The following ULK4 variants were observed in gnomAD, a reference collection of about 807,000 sequenced individuals.
The protein encoded by ULK4 is inactive serine/threonine-protein kinase ULK4.
ULK4 carries 133 observed loss-of-function variants against 160.6 expected under a neutral mutation model. The observed-to-expected ratio is 0.83, with a 90% CI of 0.72 to 0.96. The LOEUF (loss-of-function observed/expected upper bound fraction) is 0.96. Among genes scored for constraint, ULK4 ranks in the 40% least tolerant of loss-of-function variants. ULK4 has a pLI of 0.00. For missense variants in ULK4, 1,580 were observed against 1,499.5 expected, an observed-to-expected ratio of 1.05 and a Z score of -0.89; for synonymous variants, 534 against 539.8, an observed-to-expected ratio of 0.99 and a Z score of 0.15.
chr3:41,414,795 AG>A (rs1373316721), intron 34 of ULK4, among the ~76,000 whole-genome samples: 3 of 152,212 alleles, frequency 2.0e-5, no homozygotes, highest in Non-Finnish European at 4.4e-5. Flanking sequence ...CAGATGACAC[AG>A]CTCAAGGAAA....
chr3:41,957,110 G>A (rs892561806), intron 1 of ULK4, among the ~76,000 whole-genome samples: 1 of 152,086 alleles, frequency 6.6e-6, no homozygotes, highest in African/African-American at 2.4e-5. Context: ...AGTTAAAGTG[G>A]AATTAGTCAT....
intron 1 of ULK4, among the ~76,000 whole-genome samples, chr3:41,956,670 A>G (rs1276178602): frequency 6.6e-6 from 1 of 152,216 alleles, no homozygotes; most frequent in Non-Finnish European, 1.5e-5. Context: ...ATATGGAATG[A>G]TATTTCCATG....
At chr3:41,453,751 A>G (rs2083474358) in intron 34 of ULK4, among the ~76,000 whole-genome samples, 1 of 152,074 alleles carries the variant, frequency 6.6e-6, no homozygotes, top group Non-Finnish European at 1.5e-5. Context: ...TGTTCACTTT[A>G]TTTCTTATAT....
At chr3:41,580,977 T>C (rs1575444985) in intron 31 of ULK4, among the ~76,000 whole-genome samples, 1 of 152,154 alleles carries the variant, frequency 6.6e-6, no homozygotes, top group Admixed American at 6.5e-5. Context: ...TATGACTACA[T>C]TCAAACAAAA....
rs1440795660 is a variant in ULK4 at position 41,754,305 on chromosome 3, T to C, written c.2321+56A>G. ...AGGCCAAGAAATACCCTACAACTAC[T>C]AATACAACAGGCACTAAATTGAAGT... On this transcript the variant is annotated intron_variant, in intron 22 of 36. Transcript: ENST00000301831. 5 of 1,565,594 alleles carry C rather than the reference T, an allele frequency of 3.2e-6. No homozygotes were observed. In the African/African-American group the frequency reaches 5.5e-5, roughly 17 times the overall value.
At chr3:41,413,887 A>T (rs1468120221) in intron 34 of ULK4, among the ~76,000 whole-genome samples, 1 of 152,182 alleles carries the variant, frequency 6.6e-6, no homozygotes, top group Non-Finnish European at 1.5e-5. Flanking sequence ...AACTTCAGAT[A>T]AAAAAATCAT....
Position 41,789,757 on chromosome 3 carries a change from CA to C in ULK4, c.2096del (p.Leu699ArgfsTer13). 1 of 1,613,758 alleles carries C rather than the reference CA, an allele frequency of 6.2e-7. No individual in the cohort carries two copies. The highest frequency in any genetic ancestry group is 8.5e-7 in the Non-Finnish European group (1 of 1,179,834). On this transcript the variant is annotated frameshift_variant, in exon 21 of 37. Coordinates refer to ENST00000301831, the MANE Select transcript of ULK4 (RefSeq NM_017886.4). LOFTEE classifies it high-confidence loss of function. ...GCTGAACTTTGCAGATGGCAGAGGC[CA>C]GGGAGTTTATTACTGAGTTCAGTCC... ...KVGLNSVINS[L>X]ASAICKVQQY...
At chr3:41,435,165 A>G (rs533029787) in intron 34 of ULK4, among the ~76,000 whole-genome samples, 1 of 152,358 alleles carries the variant, frequency 6.6e-6, no homozygotes, top group Admixed American at 6.5e-5. Context: ...CAATTTATAC[A>G]TAAGTTTACT....
chr3:41,928,852 C>T (rs79406134), intron 5 of ULK4, among the ~76,000 whole-genome samples: 1 of 151,850 alleles, frequency 6.6e-6, no homozygotes, highest in Non-Finnish European at 1.5e-5. Flanking sequence ...AATTAATAGC[C>T]TACCAATCAA....
At chr3:41,811,068 G>A (rs1391754091) in intron 19 of ULK4, among the ~76,000 whole-genome samples, 1 of 150,900 alleles carries the variant, frequency 6.6e-6, no homozygotes, top group Admixed American at 6.6e-5. Context: ...TTTTTTTTTT[G>A]TAGTGATGGA....
chr3:41,622,759 A>T (rs1312530504), intron 30 of ULK4, among the ~76,000 whole-genome samples: 1 of 152,158 alleles, frequency 6.6e-6, no homozygotes, highest in East Asian at 1.9e-4. Flanking sequence ...CCAAACTTAA[A>T]ATTTAAAAAA....
intron 30 of ULK4, among the ~76,000 whole-genome samples, chr3:41,644,632 A>G (rs2034393696): frequency 1.3e-5 from 2 of 152,116 alleles, no homozygotes. Context: ...AGTGTTCATC[A>G]GGGATATTGG....
intron 31 of ULK4, among the ~76,000 whole-genome samples, chr3:41,590,461 C>CAAAAAAAAAAAA (rs71075479): frequency 1.1e-3 from 63 of 56,588 alleles, no homozygotes; most frequent in African/African-American, 1.6e-3. Flanking sequence ...ACTAAAAATA[C>CAAAAAAAAAAAA]AAAAAAAAAA....
At chr3:41,774,129 A>G (rs568622325) in intron 21 of ULK4, among the ~76,000 whole-genome samples, 2 of 152,252 alleles carry the variant, frequency 1.3e-5, no homozygotes, top group South Asian at 4.1e-4. Context: ...CTAGAAGAAA[A>G]CCTAGGCATT....
intron 32 of ULK4, among the ~76,000 whole-genome samples, chr3:41,498,596 G>A (rs1267118481): frequency 7.3e-6 from 1 of 136,920 alleles, no homozygotes; most frequent in African/African-American, 2.8e-5. Context: ...TTTTTGCTTT[G>A]TTTTTTGTTT....
chr3:41,642,194 C>CTT (rs199753445), intron 30 of ULK4, among the ~76,000 whole-genome samples: 2 of 151,312 alleles, frequency 1.3e-5, no homozygotes, highest in East Asian at 3.9e-4. Context: ...AGTTTTTACT[C>CTT]TTTTTTTTTA....
In ULK4 at chr3:41,300,837, TTATATATATA is replaced by T. The variant is rs66602936; in HGVS notation, c.3679-51273_3679-51264del. ...GATTAAATTTTGATCATTTTACAGA[TTATATATATA>T]TATATATATATATATATATATATAT... On this transcript the variant is annotated intron_variant, in intron 35 of 36. Coordinates refer to ENST00000301831, the MANE Select transcript of ULK4 (RefSeq NM_017886.4). 6.2e-3 allele frequency among the ~76,000 whole-genome samples: 356 copies of T among 57,842 alleles called. 1 individual carries two copies. Among genetic ancestry groups the T allele is most frequent in the East Asian group, 0.017 (25 of 1,476 alleles). 37.9% of individuals were successfully genotyped at this position (57,842 alleles called of 152,430 possible). A position where few individuals can be genotyped will look rare whatever the true frequency, so the allele number is the denominator to read the frequency against.
At position 41,558,074 on chromosome 3, in the gene ULK4, T is replaced by C. The variant is rs144246471; in HGVS notation, c.3226+7951A>G. ...TCTCAGTATCTACAAAACTTACTTA[T>C]GCATATATCCTTTGAGCTAACAATT... On this transcript the variant is annotated intron_variant, in intron 32 of 36. Transcript: ENST00000301831. 2.8e-3 allele frequency among the ~76,000 whole-genome samples: 425 copies of C among 152,266 alleles called. 4 individuals carry two copies. The highest frequency in any genetic ancestry group is 9.8e-3 in the African/African-American group (406 of 41,574).
intron 35 of ULK4, among the ~76,000 whole-genome samples, chr3:41,395,791 A>G (rs2082046863): frequency 6.6e-6 from 1 of 152,172 alleles, no homozygotes; most frequent in African/African-American, 2.4e-5. Flanking sequence ...TGCTATATAC[A>G]TTTTACCACA....
Sources: gnomAD v4.1 joint callset for allele counts (sites outside exome capture counted in the v4.1 genomes callset) on GRCh38, gnomAD v4.1.1 for gene constraint, MANE v1.5 for transcripts, NCBI Gene and HGNC (gene_info 2026-07-23, HGNC 2026-07-21) for gene names.